NSMCE2: variants seen among roughly 807,000 people sequenced by gnomAD.
NSMCE2 encodes the protein E3 SUMO-protein ligase NSE2.
Under a neutral mutation model 23.8 loss-of-function variants are expected in NSMCE2, and 24 were observed. The observed-to-expected ratio is 1.01, with a 90% CI of 0.73 to 1.42. The LOEUF (loss-of-function observed/expected upper bound fraction) is 1.42. Among genes scored for constraint, NSMCE2 ranks in the 40% most tolerant of loss-of-function variants. NSMCE2 has a pLI of 0.00. For synonymous variants in NSMCE2, 92 were observed against 94.1 expected (o/e 0.98, Z 0.13); for missense variants, 284 against 296.5 (o/e 0.96, Z 0.31).
chr8:125,115,427 T>C (rs1818957565), intron 3 of NSMCE2, among the ~76,000 whole-genome samples: 1 of 152,248 alleles, frequency 6.6e-6, no homozygotes, highest in Non-Finnish European at 1.5e-5. Flanking sequence ...CATTGATTTA[T>C]GTCTTGGAAA....
At chr8:125,318,022 C>T (rs1181862953) in intron 5 of NSMCE2, among the ~76,000 whole-genome samples, 1 of 152,110 alleles carries the variant, frequency 6.6e-6, no homozygotes, top group African/African-American at 2.4e-5. Context: ...AAATGACAAA[C>T]CAATATTCTA....
chr8:125,226,147 A>G (rs16900450), intron 5 of NSMCE2, among the ~76,000 whole-genome samples: 1,948 of 152,336 alleles, frequency 0.013, 36 homozygotes, highest in African/African-American at 0.045. Context: ...TTGGCATATT[A>G]AACTGACATT....
intron 5 of NSMCE2, among the ~76,000 whole-genome samples, chr8:125,220,826 T>C (rs1042301869): frequency 7.9e-5 from 12 of 152,202 alleles, no homozygotes; most frequent in Non-Finnish European, 7.4e-5. Context: ...CCATGAAATA[T>C]ATGATGAATG....
rs531442143 is a variant in NSMCE2 at position 125,300,169 on chromosome 8, C to CTTTTT, written c.419-57041_419-57037dup. 1.0e-3 allele frequency among the ~76,000 whole-genome samples: 147 copies of CTTTTT among 142,464 alleles called. No homozygotes were observed. In the Middle Eastern group the frequency reaches 0.011, roughly 11 times the overall value. 93.5% of individuals were successfully genotyped at this position (142,464 alleles called of 152,430 possible). On this transcript the variant is annotated intron_variant, in intron 5 of 7. Transcript: ENST00000287437. ...GTGGGTCACTTCAAGGGCTGTGCCT[C>CTTTTT]TTTTTTTTTTTTTATTTTGAGACAA...
chr8:125,278,749 A>G (rs1450443391), intron 5 of NSMCE2, among the ~76,000 whole-genome samples: 1 of 151,882 alleles, frequency 6.6e-6, no homozygotes, highest in East Asian at 1.9e-4. Flanking sequence ...TATAAATTGC[A>G]GTCCCAGAAG....
At chr8:125,126,648 C>T (rs1819533452) in intron 3 of NSMCE2, among the ~76,000 whole-genome samples, 1 of 152,168 alleles carries the variant, frequency 6.6e-6, no homozygotes, top group South Asian at 2.1e-4. Flanking sequence ...ATTCTGTTGG[C>T]TAGGCAGAAT....
At chr8:125,229,529 A>C (rs1022490616) in intron 5 of NSMCE2, among the ~76,000 whole-genome samples, 2 of 152,212 alleles carry the variant, frequency 1.3e-5, no homozygotes, top group African/African-American at 4.8e-5. Context: ...GGTTTGGGTC[A>C]TACTGAGTTT....
intron 4 of NSMCE2, among the ~76,000 whole-genome samples, chr8:125,167,166 T>G (rs1224834475): frequency 3.9e-5 from 6 of 152,220 alleles, no homozygotes; most frequent in African/African-American, 1.4e-4. Flanking sequence ...AAGATGGCTC[T>G]TTACCACCAG....
At chr8:125,314,466 A>G (rs1253591623) in intron 5 of NSMCE2, among the ~76,000 whole-genome samples, 2 of 151,974 alleles carry the variant, frequency 1.3e-5, no homozygotes, top group Admixed American at 6.6e-5. Context: ...AATTTTTTGT[A>G]TTTTTAGTAG....
chr8:125,194,917 A>G (rs372125721), intron 5 of NSMCE2, among the ~76,000 whole-genome samples: 201 of 152,210 alleles, frequency 1.3e-3, no homozygotes, highest in East Asian at 0.01. Flanking sequence ...ATGTTTGTCT[A>G]TTAGCATATC....
chr8:125,252,574 C>T (rs1826243492), intron 5 of NSMCE2, among the ~76,000 whole-genome samples: 2 of 152,160 alleles, frequency 1.3e-5, no homozygotes, highest in African/African-American at 4.8e-5. Context: ...TTTATATTTT[C>T]TTGCATTTGA....
intron 3 of NSMCE2, among the ~76,000 whole-genome samples, chr8:125,124,519 C>T (rs1819421843): frequency 1.3e-5 from 2 of 151,526 alleles, no homozygotes; most frequent in African/African-American, 4.9e-5. Flanking sequence ...CACTCTGTTG[C>T]CCAGGCTGAA....
intron 4 of NSMCE2, among the ~76,000 whole-genome samples, chr8:125,178,357 A>G (rs1173434949): frequency 6.6e-6 from 1 of 152,244 alleles, no homozygotes; most frequent in Non-Finnish European, 1.5e-5. Flanking sequence ...CGGGTGGTAC[A>G]GAAAAATCTG....
chr8:125,098,713 A>T (rs768307369), intron 1 of NSMCE2, among the ~76,000 whole-genome samples: 1 of 151,788 alleles, frequency 6.6e-6, no homozygotes, highest in Non-Finnish European at 1.5e-5. Flanking sequence ...TCAAGTATGA[A>T]CCAAGAGTTT....
At chr8:125,277,951 A>G (rs1320367814) in intron 5 of NSMCE2, among the ~76,000 whole-genome samples, 2 of 152,232 alleles carry the variant, frequency 1.3e-5, no homozygotes, top group Non-Finnish European at 2.9e-5. Flanking sequence ...TTGGGCAGAA[A>G]GTTATTTTTA....
chr8:125,182,429 A>T (rs1052063811), intron 5 of NSMCE2, 173 bp downstream of exon 5: 22 of 645,060 alleles, frequency 3.4e-5, no homozygotes, highest in Non-Finnish European at 5.5e-5. Flanking sequence ...TTTTGGTTCA[A>T]ATCAGCCTGC....
At chr8:125,170,376 CTTTTTTTTTTTTTTTTTTTT>C (rs565593006) in intron 4 of NSMCE2, among the ~76,000 whole-genome samples, 2,570 of 37,902 alleles carry the variant, frequency 0.068, 147 homozygotes, top group African/African-American at 0.2. Context: ...CTCTTTATTT[CTTTTTTTTTTTTTTTTTTTT>C]TTTTTTTTTT....
At chr8:125,192,502 T>A (rs1307645253) in intron 5 of NSMCE2, among the ~76,000 whole-genome samples, 1 of 143,224 alleles carries the variant, frequency 7.0e-6, no homozygotes, top group Non-Finnish European at 1.5e-5. Context: ...GCAGCTATAA[T>A]TGAATATTAT....
At chr8:125,145,090 C>T (rs1328983327) in intron 3 of NSMCE2, among the ~76,000 whole-genome samples, 1 of 152,124 alleles carries the variant, frequency 6.6e-6, no homozygotes, top group African/African-American at 2.4e-5. Context: ...AAAGAAACCC[C>T]CTCCTTCAGT....
Sources: gnomAD v4.1 joint callset for allele counts (sites outside exome capture counted in the v4.1 genomes callset) on GRCh38, gnomAD v4.1.1 for gene constraint, MANE v1.5 for transcripts, NCBI Gene and HGNC (gene_info 2026-07-23, HGNC 2026-07-21) for gene names.